The following DRC1 variants were observed in gnomAD, a reference collection of about 807,000 sequenced individuals.
DRC1 encodes the protein dynein regulatory complex subunit 1, also known as dynein regulatory complex protein 1.
Under a neutral mutation model 98.7 loss-of-function variants are expected in DRC1, and 74 were observed. The observed-to-expected ratio is 0.75, with a 90% CI of 0.62 to 0.91. The LOEUF is 0.91. Among genes scored for constraint, DRC1 ranks in the 40% least tolerant of loss-of-function variants. The pLI is 0.00. For synonymous variants in DRC1, 336 were observed against 334.1 expected (o/e 1.01, Z -0.06); for missense variants, 875 against 886.0 (o/e 0.99, Z 0.16).
At chr2:26,422,231 G>A (rs1420299083) in intron 3 of DRC1, among the ~76,000 whole-genome samples, 1 of 152,186 alleles carries the variant, frequency 6.6e-6, no homozygotes, top group Non-Finnish European at 1.5e-5. Context: ...TGATAGCGAA[G>A]GATGTATGCG....
At chr2:26,455,041 G>A in intron 15 of DRC1, 90 bp from the exon 16 acceptor site, 4 of 1,486,146 alleles carry the variant, frequency 2.7e-6, no homozygotes, top group Admixed American at 3.4e-5. Flanking sequence ...CCCTCCACCT[G>A]TAGCCAAAGT....
chr2:26,444,855 C>A lies in DRC1; in HGVS notation c.1303C>A (p.Pro435Thr). 1 of 1,614,214 alleles carries A rather than the reference C, an allele frequency of 6.2e-7. No individual in the cohort carries two copies. The highest frequency in any genetic ancestry group is 8.5e-7 in the Non-Finnish European group (1 of 1,180,044). Residue 435 changes from proline to threonine, a missense_variant, in exon 10 of 17, where the codon CCT becomes ACT. Coordinates refer to ENST00000288710, the MANE Select transcript of DRC1 (RefSeq NM_145038.5). ...THHLGLPWAA[P>T]DFWFLNNVGP... ...TCATCTGGGGCTTCCCTGGGCAGCA[C>A]CTGATTTCTGGTTCCTGAACAATGT...
At chr2:26,430,528 C>G (rs764506295) in intron 5 of DRC1, 3 of 562,488 alleles carry the variant, frequency 5.3e-6, no homozygotes, top group South Asian at 4.6e-5. Context: ...CAGTTCCCTG[C>G]CTCTGATATT....
At chr2:26,426,676 T>C (rs1351317795) in intron 4 of DRC1, among the ~76,000 whole-genome samples, 1 of 152,160 alleles carries the variant, frequency 6.6e-6, no homozygotes, top group Non-Finnish European at 1.5e-5. Flanking sequence ...CTGTAGTATG[T>C]TTTGAAACCA....
intron 2 of DRC1, among the ~76,000 whole-genome samples, chr2:26,417,903 ATT>A (rs561650573): frequency 5.3e-4 from 80 of 152,064 alleles, no homozygotes; most frequent in African/African-American, 1.9e-3. Context: ...TCTTTTGAAT[ATT>A]TTTTTACGTC....
At chr2:26,426,512 A>G (rs1356260844) in intron 4 of DRC1, among the ~76,000 whole-genome samples, 1 of 151,718 alleles carries the variant, frequency 6.6e-6, no homozygotes, top group Non-Finnish European at 1.5e-5. Context: ...GACTACAGGC[A>G]TGCACCACCA....
rs1678311877 is a variant in DRC1, at chr2:26,403,308, G to A, written c.155+1164G>A. ...ACTTGAACTCCATTGTTTACCTTAG[G>A]GTTTCTTTTTGGTGTTGTACATCCT... On this transcript the variant is annotated intron_variant, in intron 1 of 16. Transcript: ENST00000288710. Among the ~76,000 whole-genome samples the A allele has an allele frequency of 2.6e-5, 4 of 151,960 alleles. No individual in the cohort carries two copies. The South Asian group carries it at 8.3e-4, about 32-fold the overall frequency.
chr2:26,441,424 G>T (rs1663714284), intron 8 of DRC1, among the ~76,000 whole-genome samples: 1 of 152,178 alleles, frequency 6.6e-6, no homozygotes. Flanking sequence ...GGCATCTTAA[G>T]CCTGATTATC....
At chr2:26,452,672 A>G (rs142391069) in intron 13 of DRC1, among the ~76,000 whole-genome samples, 32 of 152,356 alleles carry the variant, frequency 2.1e-4, no homozygotes, top group African/African-American at 6.7e-4. Flanking sequence ...TTAATAATAT[A>G]TGGTATGTCT....
chr2:26,449,725 G>A (rs1306202017), intron 11 of DRC1, among the ~76,000 whole-genome samples: 1 of 152,208 alleles, frequency 6.6e-6, no homozygotes, highest in Non-Finnish European at 1.5e-5. Flanking sequence ...TGGGTGAGGT[G>A]GGTTGGTGCC....
rs146577793 is a variant in DRC1, at chr2:26,454,886, A to T, written c.2063+96A>T. On this transcript the variant is annotated intron_variant, in intron 15 of 16. Transcript: ENST00000288710. The surrounding 1 kb of genome is among the most constrained non-coding windows in gnomAD (Gnocchi z 5.2). The stretch of plus-strand genomic sequence containing the variant: ...GTTTGCTGCCTCCCTGTCCCACTGA[A>T]CCTGGGAGGGAAGAGCTGCCCTTGG... 188 of 1,570,928 alleles carry T rather than the reference A, an allele frequency of 1.2e-4. No individual in the cohort carries two copies. In the African/African-American group the frequency reaches 2.2e-3, roughly 19 times the overall value.
intron 10 of DRC1, among the ~76,000 whole-genome samples, chr2:26,447,737 T>C (rs1663894385): frequency 6.6e-6 from 1 of 151,414 alleles, no homozygotes; most frequent in Non-Finnish European, 1.5e-5. Flanking sequence ...CAGCTAATTT[T>C]TGTATTTTTA....
intron 1 of DRC1, among the ~76,000 whole-genome samples, chr2:26,403,167 T>C (rs1678306556): frequency 6.6e-6 from 1 of 152,200 alleles, no homozygotes; most frequent in African/African-American, 2.4e-5. Flanking sequence ...GCAAAACTGA[T>C]CAAAAAGTAT....
chr2:26,416,393 G>C (rs535329404), intron 2 of DRC1, among the ~76,000 whole-genome samples: 17 of 152,210 alleles, frequency 1.1e-4, no homozygotes, highest in Non-Finnish European at 1.9e-4. Context: ...GCCTGCCTCA[G>C]CCTCCCAAAG....
intron 1 of DRC1, among the ~76,000 whole-genome samples, chr2:26,414,143 A>ATTATTATTG (rs947879477): frequency 6.9e-6 from 1 of 144,724 alleles, no homozygotes; most frequent in African/African-American, 2.6e-5. Flanking sequence ...TATTATTATT[A>ATTATTATTG]TTGTTTTACA....
chr2:26,447,945 C>T (rs1301047274), intron 10 of DRC1, among the ~76,000 whole-genome samples: 2 of 151,586 alleles, frequency 1.3e-5, no homozygotes, highest in Non-Finnish European at 2.9e-5. Flanking sequence ...TTTCTCTGGA[C>T]CAGGCGCCGT....
At chr2:26,430,128 G>C (rs987212354) in intron 5 of DRC1, among the ~76,000 whole-genome samples, 7 of 152,210 alleles carry the variant, frequency 4.6e-5, no homozygotes, top group African/African-American at 1.7e-4. Context: ...AGAGGTTGGG[G>C]AATAAAAAAG....
chr2:26,456,510 C>A lies in DRC1; in HGVS notation c.2216C>A (p.Thr739Lys). ...VPPTQVLRVP[T>K]K ...CCCACTCAGGTGTTGCGGGTACCCA[C>A]AAAATGAGCTGGACCGCCAAAGGCT... Residue 739 changes from threonine to lysine, a missense_variant, in exon 17 of 17, where the codon ACA becomes AAA. Thr to Lys is a moderately conservative substitution (Grantham distance 78, BLOSUM62 -1). Coordinates refer to ENST00000288710, the MANE Select transcript of DRC1 (RefSeq NM_145038.5). 6.2e-7 allele frequency: 1 copy of A among 1,614,116 alleles called. No homozygotes were observed. Among genetic ancestry groups the A allele is most frequent in the Middle Eastern group, 1.7e-4 (1 of 6,058 alleles).
intron 8 of DRC1, among the ~76,000 whole-genome samples, chr2:26,442,992 A>G (rs1663757056): frequency 6.6e-6 from 1 of 152,172 alleles, no homozygotes; most frequent in Admixed American, 6.5e-5. Context: ...CTTTGGAATG[A>G]CTACTTATTT....
Sources: allele counts gnomAD v4.1 joint callset (sites outside exome capture counted in the v4.1 genomes callset), GRCh38; gene constraint gnomAD v4.1.1; non-coding constraint Gnocchi (gnomAD v3.1); transcripts MANE v1.5; gene names NCBI Gene and HGNC (gene_info 2026-07-23, HGNC 2026-07-21).